The following UHRF1 variants were observed in gnomAD, a reference collection of about 807,000 sequenced individuals.
UHRF1 encodes ubiquitin like with PHD and ring finger domains 1, also known as E3 ubiquitin-protein ligase UHRF1.
In UHRF1, 9 loss-of-function variants were observed where a neutral mutation model predicts 96.5. The observed-to-expected ratio is 0.09, with a 90% CI of 0.06 to 0.16. UHRF1 has a LOEUF of 0.16. UHRF1 is among the 10% of genes least tolerant of loss of function. UHRF1 has a pLI of 1.00. For missense variants in UHRF1, 626 were observed against 1,131.1 expected, an observed-to-expected ratio of 0.55 and a Z score of 6.40; for synonymous variants, 455 against 469.9, an observed-to-expected ratio of 0.97 and a Z score of 0.41.
rs1260549866 is a variant in UHRF1, at chr19:4,956,667, G to A, written c.2131-42G>A. ...GAAGCCACTGATCTGTGGGAGCCCTGGTCCCGGTGTCTTTGCCGGCCTCAC... is the reference window on the plus strand; with the variant it reads ...GAAGCCACTGATCTGTGGGAGCCCTAGTCCCGGTGTCTTTGCCGGCCTCAC... On this transcript the variant is annotated intron_variant, in intron 15 of 16. Coordinates refer to ENST00000650932, the MANE Select transcript of UHRF1 (RefSeq NM_001048201.3). 3.0e-6 allele frequency: 4 copies of A among 1,317,346 alleles called. No individual in the cohort carries two copies. The East Asian group carries it at 7.2e-5, about 24-fold the overall frequency. The allele number at this position is 1,317,346 out of a possible 1,614,324, so 81.6% of individuals were successfully genotyped here.
chr19:4,935,086 G>A (rs1040882730), intron 5 of UHRF1, among the ~76,000 whole-genome samples: 1 of 151,950 alleles, frequency 6.6e-6, no homozygotes, highest in African/African-American at 2.4e-5. Flanking sequence ...GGATCCTCCT[G>A]CCTCACCCTC....
Position 4,932,642 on chromosome 19 carries a change from C to T in UHRF1, c.570-99C>T, listed in dbSNP as rs752678274. 9 of 1,322,338 alleles carry T rather than the reference C, an allele frequency of 6.8e-6. No individual in the cohort carries two copies. The South Asian group carries it at 1.1e-4, about 15-fold the overall frequency. 81.9% of individuals were successfully genotyped at this position (1,322,338 alleles called of 1,614,324 possible). A position where few individuals can be genotyped will look rare whatever the true frequency, so the allele number is the denominator to read the frequency against. On this transcript the variant is annotated intron_variant, in intron 4 of 16. Transcript: ENST00000650932. The stretch of plus-strand genomic sequence containing the variant: ...ATAAGCCTGTTGGGAGGGGCCTCTG[C>T]ACACTGTCGGGAGGGGCCGTCCCAC...
Position 4,929,456 on chromosome 19 carries a change from A to G in UHRF1, c.388A>G (p.Thr130Ala). The change falls in exon 3 of 17, where the codon ACG becomes GCG. Residue 130 changes from threonine to alanine, a missense_variant. This residue lies in a region of UHRF1 where 22 missense variants were observed against 16.4 expected (regional missense o/e 1.34). Coordinates refer to ENST00000650932, the MANE Select transcript of UHRF1 (RefSeq NM_001048201.3). ...RPADEDMWDETELGLYKVNEY... is the reference protein window; with the variant it reads ...RPADEDMWDEAELGLYKVNEY... ...AGCCGATGAGGACATGTGGGATGAG[A>G]CGGAATTGGGGCTGTACAAGGTGAG... 1 of 1,613,416 alleles carries G rather than the reference A, an allele frequency of 6.2e-7. No individual in the cohort carries two copies.
chr19:4,916,704 T>C (rs1171666667), intron 2 of UHRF1, among the ~76,000 whole-genome samples: 1 of 152,220 alleles, frequency 6.6e-6, no homozygotes, highest in Non-Finnish European at 1.5e-5. Context: ...GCATCCGTTT[T>C]TCCTTCCTCC....
At chr19:4,941,441 T>TC in intron 5 of UHRF1, 87 bp from the exon 6 acceptor site, 1 of 1,013,504 alleles carries the variant, frequency 9.9e-7, no homozygotes, top group Non-Finnish European at 1.5e-6. Context: ...GCCCCAGGCA[T>TC]CCCGAGAACC....
chr19:4,955,392 G>C (rs1412260285), intron 15 of UHRF1, among the ~76,000 whole-genome samples: 2 of 152,018 alleles, frequency 1.3e-5, no homozygotes, highest in Admixed American at 6.6e-5. Context: ...TCCAGTCTCT[G>C]AGTCTCACTC....
rs746486071 is a variant in UHRF1, at chr19:4,945,845, T to C, written c.1306-16T>C. On this transcript the variant is annotated splice_polypyrimidine_tract_variant and intron_variant, in intron 9 of 16. Coordinates refer to ENST00000650932, the MANE Select transcript of UHRF1 (RefSeq NM_001048201.3). ...CATTGCAGAGGACACCATGTATATC[T>C]TGGTGGCATCCTCAGGTCAGCGAGT... 1.9e-6 allele frequency: 3 copies of C among 1,593,118 alleles called. No homozygotes were observed.
chr19:4,941,388 TGTGA>T, intron 5 of UHRF1, 136 bp from the exon 6 acceptor site: 1 of 646,670 alleles, frequency 1.5e-6, no homozygotes, highest in Non-Finnish European at 2.7e-6. Context: ...ATGTTGCTTC[TGTGA>T]GTGCAGCTTT....
chr19:4,939,807 A>G (rs372109993), intron 5 of UHRF1, among the ~76,000 whole-genome samples: 184 of 152,190 alleles, frequency 1.2e-3, no homozygotes, highest in African/African-American at 3.5e-3. Context: ...GGCGGATCAC[A>G]AGGTCAGGAG....
At chr19:4,944,041 G>T in intron 7 of UHRF1, 91 bp from the exon 8 acceptor site, 1 of 1,557,268 alleles carries the variant, frequency 6.4e-7, no homozygotes, top group Non-Finnish European at 8.7e-7. Flanking sequence ...CAGGCGGGGA[G>T]AGCCATGTCC....
chr19:4,914,066 C>G (rs2032396163), intron 2 of UHRF1, among the ~76,000 whole-genome samples: 1 of 151,974 alleles, frequency 6.6e-6, no homozygotes, highest in Non-Finnish European at 1.5e-5. Context: ...TCACACCCCC[C>G]TCCCCCACCT....
chr19:4,914,701 T>A (rs1348799442), intron 2 of UHRF1, among the ~76,000 whole-genome samples: 2 of 151,926 alleles, frequency 1.3e-5, no homozygotes, highest in Admixed American at 6.6e-5. Context: ...ATAGCTGTCT[T>A]TTGCGGCACC....
chr19:4,951,084 G>A (rs1298989798), intron 13 of UHRF1, 88 bp downstream of exon 13: 1 of 1,433,320 alleles, frequency 7.0e-7, no homozygotes, highest in East Asian at 2.5e-5. Context: ...TGGCCAACAT[G>A]GTGAAACCTC....
chr19:4,945,102 G>A (rs928166089), intron 9 of UHRF1, among the ~76,000 whole-genome samples: 4 of 152,172 alleles, frequency 2.6e-5, no homozygotes, highest in African/African-American at 9.7e-5. Context: ...GAGCTCCTGG[G>A]GCAGCGCTGT....
chr19:4,918,715 GT>G (rs536401524), intron 2 of UHRF1, among the ~76,000 whole-genome samples: 1,830 of 115,320 alleles, frequency 0.016, 30 homozygotes, highest in African/African-American at 0.054. Flanking sequence ...TGCCCAGCTG[GT>G]TTTTTTTTTT....
At position 4,960,793 on chromosome 19, in the gene UHRF1, A is replaced by G; in HGVS notation, c.2372A>G (p.Asn791Ser). 6.5e-7 allele frequency: 1 copy of G among 1,543,284 alleles called. No homozygotes were observed. Among genetic ancestry groups the G allele is most frequent in the Non-Finnish European group, 8.8e-7 (1 of 1,131,730 alleles). Reference sequence around the variant, plus strand: ...AACCAGCTCTTCCCCGGCTACGGCAATGGCCGGTGATCTCCAAGCACTTCT... The same window carrying G: ...AACCAGCTCTTCCCCGGCTACGGCAGTGGCCGGTGATCTCCAAGCACTTCT... ...VLNQLFPGYG[N>S]GR The change falls in exon 17 of 17, where the codon AAT becomes AGT. Residue 791 changes from asparagine to serine, a missense_variant. By Grantham distance (46) the Asn-to-Ser change is conservative. Transcript: ENST00000650932.
intron 15 of UHRF1, among the ~76,000 whole-genome samples, chr19:4,955,224 A>T (rs1048217683): frequency 6.6e-6 from 1 of 152,156 alleles, no homozygotes; most frequent in Non-Finnish European, 1.5e-5. Flanking sequence ...GGAGCCCGAC[A>T]TGGGCCTTGC....
chr19:4,906,795 T>C (rs978729270), upstream of UHRF1, among the ~76,000 whole-genome samples: 2 of 152,154 alleles, frequency 1.3e-5, no homozygotes, highest in Non-Finnish European at 2.9e-5. Flanking sequence ...GTATTCCCTC[T>C]TTCAGCCACG....
intron 15 of UHRF1, among the ~76,000 whole-genome samples, chr19:4,955,281 C>T (rs1340034120): frequency 6.6e-6 from 1 of 152,162 alleles, no homozygotes; most frequent in Admixed American, 6.5e-5. Context: ...CCTGGGGGCT[C>T]CAGGGGAGAA....
Sources: gnomAD v4.1 joint callset for allele counts (sites outside exome capture counted in the v4.1 genomes callset) on GRCh38, gnomAD v4.1.1 for gene constraint, gnomAD v4.1.1 regional missense constraint, MANE v1.5 for transcripts, NCBI Gene and HGNC (gene_info 2026-07-23, HGNC 2026-07-21) for gene names.